Variants in PHACTR2 observed in about 807,000 individuals in gnomAD.
PHACTR2 encodes the protein chromosome 6 open reading frame 56.
Under a neutral mutation model 76.0 loss-of-function variants are expected in PHACTR2, and 30 were observed. The observed-to-expected ratio is 0.39, with a 90% confidence interval of 0.30 to 0.54. The LOEUF is 0.54. Among genes scored for constraint, PHACTR2 ranks in the 20% least tolerant of loss-of-function variants. The pLI is 0.61. For missense variants in PHACTR2, 696 were observed against 781.1 expected, an observed-to-expected ratio of 0.89 and a Z score of 1.30; for synonymous variants, 292 against 292.5, an observed-to-expected ratio of 1.00 and a Z score of 0.02.
At chr6:143,640,518 G>C (rs1472060859) in intron 1 of PHACTR2, among the ~76,000 whole-genome samples, 1 of 152,180 alleles carries the variant, frequency 6.6e-6, no homozygotes, top group African/African-American at 2.4e-5. Context: ...CAGGAGACGA[G>C]GCTGGAAGGT....
In PHACTR2 at chr6:143,827,155, A is replaced by AAAATATATAT. The variant is rs1254251707; in HGVS notation, c.*3467_*3468insAATATATATA. 1.3e-5 allele frequency: 1 copy of AAAATATATAT among 77,232 alleles called. No homozygotes were observed. Among genetic ancestry groups the AAAATATATAT allele is most frequent in the Non-Finnish European group, 2.4e-5 (1 of 41,048 alleles). 4.8% of individuals were successfully genotyped at this position (77,232 alleles called of 1,614,324 possible). A position where few individuals can be genotyped will look rare whatever the true frequency, so the allele number is the denominator to read the frequency against. ...GGGCTGCGTTGGCATTAAAAAAGAAAATATATATATATATATATATATATA... is the reference window on the plus strand; with the variant it reads ...GGGCTGCGTTGGCATTAAAAAAGAAAAAATATATATATATATATATATATATATATATATA... On this transcript the variant is annotated 3_prime_UTR_variant, in exon 13 of 13. Transcript: ENST00000440869.
chr6:143,587,812 G>C (rs1775645133), intron 1 of PHACTR2, among the ~76,000 whole-genome samples: 1 of 151,968 alleles, frequency 6.6e-6, no homozygotes, highest in Admixed American at 6.6e-5. Context: ...TCAGGAGTTA[G>C]AGACCAGCCT....
At chr6:143,796,755 GC>G (rs1775836484) in intron 11 of PHACTR2, among the ~76,000 whole-genome samples, 1 of 152,052 alleles carries the variant, frequency 6.6e-6, no homozygotes, top group Admixed American at 6.6e-5. Flanking sequence ...CTTTTTTATG[GC>G]TGCATAGTGT....
At position 143,806,926 on chromosome 6, in the gene PHACTR2, C is replaced by T. The variant is rs1776078386; in HGVS notation, c.1846-131C>T. On this transcript the variant is annotated intron_variant, in intron 11 of 12. Coordinates refer to ENST00000440869, the MANE Select transcript of PHACTR2 (RefSeq NM_001100164.2). The surrounding 1 kb of genome is among the most constrained non-coding windows in gnomAD (Gnocchi z 5.8). ...GAGCCATGATCTCGCCACTCCACTC[C>T]AGCTTGGATGACAGAGCGAGACTCT... 1.9e-6 allele frequency: 1 copy of T among 527,562 alleles called. No homozygotes were observed. The highest frequency in any genetic ancestry group is 3.7e-5 in the Admixed American group (1 of 26,962). The allele number at this position is 527,562 out of a possible 1,614,324, so 32.7% of individuals were successfully genotyped here. A position where few individuals can be genotyped will look rare whatever the true frequency, so the allele number is the denominator to read the frequency against.
intron 1 of PHACTR2, among the ~76,000 whole-genome samples, chr6:143,691,271 C>A (rs912495435): frequency 2.7e-5 from 4 of 147,378 alleles, no homozygotes; most frequent in African/African-American, 1.0e-4. Flanking sequence ...AAGTCAGGGA[C>A]CTTCTGTATT....
At position 143,695,267 on chromosome 6, in the gene PHACTR2, G is replaced by A. The variant is rs1270149185; in HGVS notation, c.47-16749G>A. Among the ~76,000 whole-genome samples the A allele has an allele frequency of 6.6e-6, 1 of 152,170 alleles. No homozygotes were observed. Among genetic ancestry groups the A allele is most frequent in the African/African-American group, 2.4e-5 (1 of 41,428 alleles). On this transcript the variant is annotated intron_variant, in intron 1 of 12. Coordinates refer to ENST00000440869, the MANE Select transcript of PHACTR2 (RefSeq NM_001100164.2). The surrounding 1 kb of genome is among the most constrained non-coding windows in gnomAD (Gnocchi z 4.4). The stretch of plus-strand genomic sequence containing the variant: ...GGATCAGGGCATGCAGAAGCTCTTA[G>A]CCAAACCTCTACACCCTTTAGTTGT...
rs1238101824 is a variant in PHACTR2 at position 143,764,607 on chromosome 6, G to A, written c.695-654G>A. The stretch of plus-strand genomic sequence containing the variant: ...CTGGCCTTTTGATGCTTTGAAGGGA[G>A]TGTACCTTTCCTGTGTGGCCATGGG... On this transcript the variant is annotated intron_variant, in intron 5 of 12. Coordinates refer to ENST00000440869, the MANE Select transcript of PHACTR2 (RefSeq NM_001100164.2). The surrounding 1 kb of genome is among the most constrained non-coding windows in gnomAD (Gnocchi z 4.7). Among the ~76,000 whole-genome samples, 1 of 151,912 alleles carries A rather than the reference G, an allele frequency of 6.6e-6. No individual in the cohort carries two copies. The highest frequency in any genetic ancestry group is 1.5e-5 in the Non-Finnish European group (1 of 68,020).
rs181184967 is a variant in PHACTR2 at position 143,735,494 on chromosome 6, A to G, written c.215-13491A>G. Among the ~76,000 whole-genome samples, 619 of 152,294 alleles carry G rather than the reference A, an allele frequency of 4.1e-3. 2 individuals are homozygous for G. The highest frequency in any genetic ancestry group is 7.1e-3 in the Non-Finnish European group (486 of 68,014). ...CTTAGCCATTTTAGGTTTACGGTTC[A>G]GTAGTGTTAAGTATATTCACATCGT... On this transcript the variant is annotated intron_variant, in intron 2 of 12. Coordinates refer to ENST00000440869, the MANE Select transcript of PHACTR2 (RefSeq NM_001100164.2).
At chr6:143,726,029 GT>G (rs1389066277) in intron 2 of PHACTR2, among the ~76,000 whole-genome samples, 1 of 152,174 alleles carries the variant, frequency 6.6e-6, no homozygotes, top group African/African-American at 2.4e-5. Flanking sequence ...GTTGTTTCTA[GT>G]TTGGGGTAAT....
rs955538338 is a variant in PHACTR2, at chr6:143,822,979, C to T, written c.1923-695C>T. ...AGATGGAACTTTAATGATTCCAAGA[C>T]AGGCAGTTGAGGCAGGACTTGGTGA... On this transcript the variant is annotated intron_variant, in intron 12 of 12. Coordinates refer to ENST00000440869, the MANE Select transcript of PHACTR2 (RefSeq NM_001100164.2). The surrounding 1 kb of genome is among the most constrained non-coding windows in gnomAD (Gnocchi z 5.5). Among the ~76,000 whole-genome samples the T allele has an allele frequency of 6.6e-6, 1 of 152,204 alleles. No individual in the cohort carries two copies. The highest frequency in any genetic ancestry group is 1.5e-5 in the Non-Finnish European group (1 of 68,030).
intron 1 of PHACTR2, among the ~76,000 whole-genome samples, chr6:143,577,676 C>G (rs1019026535): frequency 6.6e-6 from 1 of 152,032 alleles, no homozygotes; most frequent in African/African-American, 2.4e-5. Context: ...GAACTACAGC[C>G]TCTAAACAGT....
chr6:143,563,400 G>T (rs9496669), intron 1 of PHACTR2, among the ~76,000 whole-genome samples: 3 of 60,312 alleles, frequency 5.0e-5, no homozygotes, highest in African/African-American at 1.5e-4. Flanking sequence ...GCATCTCTAC[G>T]AAAAATTAAG....
rs565085033 is a variant in PHACTR2 at position 143,623,796 on chromosome 6, T to G, written c.13+15474T>G. Among the ~76,000 whole-genome samples the G allele has an allele frequency of 3.3e-5, 5 of 152,330 alleles. No individual in the cohort carries two copies. In the South Asian group the frequency reaches 6.2e-4, roughly 19 times the overall value. ...TACTCTAGACTTTTCTATTTTTGGTTTTGTTTGTACAGTCATTGTGTCCTG... is the reference window on the plus strand; with the variant it reads ...TACTCTAGACTTTTCTATTTTTGGTGTTGTTTGTACAGTCATTGTGTCCTG... On this transcript the variant is annotated intron_variant, in intron 1 of 11. Transcript: ENST00000305766. This position sits in a 1 kb window ranked among gnomAD's most constrained non-coding sequence, Gnocchi z 5.9.
At position 143,597,025 on chromosome 6, in the gene PHACTR2, C is replaced by T. The variant is rs368543187; in HGVS notation, c.217+59818C>T. The stretch of plus-strand genomic sequence containing the variant: ...AGCCCTCCTGCCTCCTTCCCTCCTG[C>T]GTTTCTGCTCCCAGTATGCACATCA... On this transcript the variant is annotated intron_variant, in intron 1 of 11. Transcript: ENST00000367584. This position sits in a 1 kb window ranked among gnomAD's most constrained non-coding sequence, Gnocchi z 5.7. Among the ~76,000 whole-genome samples the T allele has an allele frequency of 2.0e-5, 3 of 152,150 alleles. No individual in the cohort carries two copies. The East Asian group carries it at 5.8e-4, about 29-fold the overall frequency.
rs926817408 is a variant in PHACTR2, at chr6:143,656,608, C to T, written c.13+48286C>T. On this transcript the variant is annotated intron_variant, in intron 1 of 11. Coordinates refer to the PHACTR2 transcript ENST00000305766. The surrounding 1 kb of genome is among the most constrained non-coding windows in gnomAD (Gnocchi z 5.3). ...GAGACATCAATGCTAGATGAGGATA[C>T]AGGTAGATGAATGAATATTGTAGTT... 4.6e-5 allele frequency among the ~76,000 whole-genome samples: 7 copies of T among 151,926 alleles called. No homozygotes were observed. Among genetic ancestry groups the T allele is most frequent in the Admixed American group, 2.6e-4 (4 of 15,240 alleles).
Position 143,700,101 on chromosome 6 carries a change from T to C in PHACTR2, c.47-11915T>C, listed in dbSNP as rs1185793511. Among the ~76,000 whole-genome samples, 1 of 152,226 alleles carries C rather than the reference T, an allele frequency of 6.6e-6. No homozygotes were observed. Among genetic ancestry groups the C allele is most frequent in the Non-Finnish European group, 1.5e-5 (1 of 68,042 alleles). ...CATAGAGAGAACGTTAGTCACATTA[T>C]ATATATTCTCTGGGCTTTTATTTAT... On this transcript the variant is annotated intron_variant, in intron 1 of 12. Transcript: ENST00000440869. This position sits in a 1 kb window ranked among gnomAD's most constrained non-coding sequence, Gnocchi z 4.1.
At position 143,548,360 on chromosome 6, in the gene PHACTR2, C is replaced by A. The variant is rs1775040059; in HGVS notation, c.217+11153C>A. ...TGTTTGGATTTTGAAGGGATATAAGCATTCAGTCCGTAACACTACCTAACT... is the reference window on the plus strand; with the variant it reads ...TGTTTGGATTTTGAAGGGATATAAGAATTCAGTCCGTAACACTACCTAACT... On this transcript the variant is annotated intron_variant, in intron 1 of 11. Coordinates refer to the PHACTR2 transcript ENST00000367584. This position sits in a 1 kb window ranked among gnomAD's most constrained non-coding sequence, Gnocchi z 4.5. Among the ~76,000 whole-genome samples, 3 of 151,752 alleles carry A rather than the reference C, an allele frequency of 2.0e-5. No individual in the cohort carries two copies. Among genetic ancestry groups the A allele is most frequent in the Admixed American group, 2.0e-4 (3 of 15,220 alleles).
rs901133310 is a variant in PHACTR2 at position 143,653,877 on chromosome 6, A to G, written c.13+45555A>G. ...AAGAAACAATAATAATTTGGACATC[A>G]TCAAACTAAAAATGTTGTGGCTCAA... On this transcript the variant is annotated intron_variant, in intron 1 of 11. Coordinates refer to the PHACTR2 transcript ENST00000305766. This position sits in a 1 kb window ranked among gnomAD's most constrained non-coding sequence, Gnocchi z 4.9. Among the ~76,000 whole-genome samples the G allele has an allele frequency of 2.6e-5, 4 of 152,210 alleles. No individual in the cohort carries two copies. The highest frequency in any genetic ancestry group is 4.4e-5 in the Non-Finnish European group (3 of 68,034).
intron 1 of PHACTR2, among the ~76,000 whole-genome samples, chr6:143,693,645 C>T (rs1359549975): frequency 6.6e-6 from 1 of 152,190 alleles, no homozygotes; most frequent in Non-Finnish European, 1.5e-5. Flanking sequence ...CACACTGCAT[C>T]CATTGTCTTT....
Sources: allele counts gnomAD v4.1 joint callset (sites outside exome capture counted in the v4.1 genomes callset), GRCh38; gene constraint gnomAD v4.1.1; non-coding constraint Gnocchi (gnomAD v3.1); transcripts MANE v1.5; gene names NCBI Gene and HGNC (gene_info 2026-07-23, HGNC 2026-07-21).